CDKL3: variants seen among roughly 807,000 people sequenced by gnomAD.
The protein encoded by CDKL3 is cyclin-dependent kinase-like 3.
In CDKL3, 65 loss-of-function variants were observed where a neutral mutation model predicts 69.3. That is an observed-to-expected ratio of 0.94 (90% confidence interval 0.77 to 1.15). The LOEUF (loss-of-function observed/expected upper bound fraction) is 1.15. Among genes scored for constraint, CDKL3 ranks in the 50% most tolerant of loss-of-function variants. The pLI, the probability that CDKL3 is intolerant of heterozygous loss-of-function variation, is 0.00. For missense variants in CDKL3, 652 were observed against 689.2 expected, an observed-to-expected ratio of 0.95 and a Z score of 0.61; for synonymous variants, 202 against 221.6, an observed-to-expected ratio of 0.91 and a Z score of 0.79.
At chr5:134,337,839 C>G (rs890976742) in intron 4 of CDKL3, among the ~76,000 whole-genome samples, 3 of 152,154 alleles carry the variant, frequency 2.0e-5, no homozygotes, top group African/African-American at 4.8e-5. Context: ...GATAGAGGCT[C>G]TTTTCCAACT....
Position 134,308,127 on chromosome 5 carries a change from T to C in CDKL3, c.1364+11A>G. On this transcript the variant is annotated intron_variant, in intron 9 of 12. Transcript: ENST00000265334. ...TTGTATTATTTAGGTTTCTTCTCTGTTACAGCTCACCTCACACTGGGGTGA... is the reference window on the plus strand; with the variant it reads ...TTGTATTATTTAGGTTTCTTCTCTGCTACAGCTCACCTCACACTGGGGTGA... 6.2e-7 allele frequency: 1 copy of C among 1,603,926 alleles called. No individual in the cohort carries two copies. The highest frequency in any genetic ancestry group is 1.1e-5 in the South Asian group (1 of 89,806).
intron 8 of CDKL3, among the ~76,000 whole-genome samples, chr5:134,288,671 G>C (rs1764985823): frequency 2.0e-5 from 3 of 152,136 alleles, no homozygotes; most frequent in Admixed American, 1.3e-4. Flanking sequence ...CTTCATCCTT[G>C]AAGAAGACAC....
chr5:134,366,272 A>T, intron 2 of CDKL3, 87 bp downstream of exon 2: 1 of 854,444 alleles, frequency 1.2e-6, no homozygotes, highest in Non-Finnish European at 1.8e-6. Context: ...ATGAATCAGT[A>T]CGTGTGAACT....
chr5:134,346,688 GT>G (rs1751971120), intron 4 of CDKL3, among the ~76,000 whole-genome samples: 1 of 152,046 alleles, frequency 6.6e-6, no homozygotes, highest in South Asian at 2.1e-4. Context: ...TAGAGACGGG[GT>G]TTCTCCATGT....
intron 7 of CDKL3, 24 bp from the exon 8 acceptor site, chr5:134,308,751 G>A (rs1230215278): frequency 1.9e-5 from 29 of 1,554,722 alleles, no homozygotes; most frequent in Non-Finnish European, 1.9e-5. Context: ...CAATATCAAC[G>A]AGTAATCTTT....
chr5:134,341,444 TA>T (rs1339903601), intron 4 of CDKL3, among the ~76,000 whole-genome samples: 2 of 152,188 alleles, frequency 1.3e-5, no homozygotes, highest in Non-Finnish European at 2.9e-5. Context: ...AAGAATCCAC[TA>T]AACTACTATG....
chr5:134,321,698 T>C, intron 5 of CDKL3, 93 bp downstream of exon 5: 2 of 721,238 alleles, frequency 2.8e-6, no homozygotes, highest in Non-Finnish European at 4.8e-6. Context: ...TTCCCTGTAC[T>C]TACACAGAAA....
intron 3 of CDKL3, among the ~76,000 whole-genome samples, chr5:134,356,609 C>A (rs1033728279): frequency 3.9e-5 from 6 of 152,064 alleles, no homozygotes; most frequent in Admixed American, 2.6e-4. Context: ...CGTGGTGAAA[C>A]CCCGACTCTA....
chr5:134,343,288 A>C (rs1052370321), intron 4 of CDKL3, among the ~76,000 whole-genome samples: 1 of 152,188 alleles, frequency 6.6e-6, no homozygotes, highest in Non-Finnish European at 1.5e-5. Flanking sequence ...TTCTAGAAAT[A>C]AGCCCTTATG....
rs192506676 is a variant in CDKL3 at position 134,346,738 on chromosome 5, C to T, written c.539+3511G>A. Among the ~76,000 whole-genome samples, 522 of 152,124 alleles carry T rather than the reference C, an allele frequency of 3.4e-3. 2 individuals are homozygous for T. Among genetic ancestry groups the T allele is most frequent in the African/African-American group, 0.012 (496 of 41,490 alleles). The stretch of plus-strand genomic sequence containing the variant: ...CTTGAACTGCTGACCTCAGGTGATC[C>T]GCCCACCTCGGCCTCCCAAAGTGCT... On this transcript the variant is annotated intron_variant, in intron 4 of 12. Coordinates refer to ENST00000265334, the MANE Select transcript of CDKL3 (RefSeq NM_001113575.2).
At chr5:134,320,676 C>A (rs942687108) in intron 5 of CDKL3, among the ~76,000 whole-genome samples, 2 of 151,844 alleles carry the variant, frequency 1.3e-5, no homozygotes, top group African/African-American at 4.8e-5. Context: ...GAAATCGAGA[C>A]CATCCTGGCT....
At chr5:134,313,901 G>A (rs1225402010) in intron 6 of CDKL3, among the ~76,000 whole-genome samples, 1 of 151,916 alleles carries the variant, frequency 6.6e-6, no homozygotes, top group African/African-American at 2.4e-5. Flanking sequence ...ACTTTGGGGG[G>A]CAACAGAGGG....
chr5:134,368,981 C>G (rs1018790958), upstream of CDKL3, among the ~76,000 whole-genome samples: 1 of 152,140 alleles, frequency 6.6e-6, no homozygotes, highest in Non-Finnish European at 1.5e-5. Flanking sequence ...GAGCCCTGTT[C>G]ACACCACTGC....
At chr5:134,354,792 C>G (rs1216152637) in intron 3 of CDKL3, among the ~76,000 whole-genome samples, 3 of 152,020 alleles carry the variant, frequency 2.0e-5, no homozygotes, top group Admixed American at 6.6e-5. Flanking sequence ...ACTAAAAATA[C>G]AAAAATTAGC....
In CDKL3 at chr5:134,325,360, A is replaced by G. The variant is rs542982500; in HGVS notation, c.540-3457T>C. Among the ~76,000 whole-genome samples, 243 of 152,368 alleles carry G rather than the reference A, an allele frequency of 1.6e-3. 1 individual carries two copies. Among genetic ancestry groups the G allele is most frequent in the Non-Finnish European group, 2.8e-3 (192 of 68,036 alleles). ...AGTATATACAGTTTTTCAGATCTAC[A>G]TTATAACCATAGATGATATAATAGT... On this transcript the variant is annotated intron_variant, in intron 4 of 12. Transcript: ENST00000265334.
chr5:134,294,962 A>G (rs1580757848), downstream of CDKL3, among the ~76,000 whole-genome samples: 1 of 152,046 alleles, frequency 6.6e-6, no homozygotes, highest in East Asian at 1.9e-4. Context: ...GAAGATCTAA[A>G]TAAAGAGTTT....
At chr5:134,325,351 C>T (rs182472276) in intron 4 of CDKL3, among the ~76,000 whole-genome samples, 3 of 151,844 alleles carry the variant, frequency 2.0e-5, no homozygotes, top group African/African-American at 7.3e-5. Flanking sequence ...TACAGTTTTT[C>T]AGATCTACAT....
At chr5:134,312,486 A>T (rs1472380291) in intron 6 of CDKL3, 106 bp from the exon 7 acceptor site, 11 of 623,424 alleles carry the variant, frequency 1.8e-5, no homozygotes, top group Non-Finnish European at 3.0e-5. Context: ...TCCAGATCAA[A>T]AAGCCTTCTT....
Position 134,334,933 on chromosome 5 carries a change from A to T in CDKL3, c.540-13030T>A, listed in dbSNP as rs147511625. Among the ~76,000 whole-genome samples the T allele has an allele frequency of 4.6e-3, 703 of 152,026 alleles. 6 individuals are homozygous for T. Among genetic ancestry groups the T allele is most frequent in the African/African-American group, 0.016 (676 of 41,458 alleles). On this transcript the variant is annotated intron_variant, in intron 4 of 12. Transcript: ENST00000265334. ...TGGGGTGTTAAATTCTCCCGTTATT[A>T]TTGTGTGGGAGTCTAAGTCTCTTTG...
Sources: gnomAD v4.1 joint callset for allele counts (sites outside exome capture counted in the v4.1 genomes callset) on GRCh38, gnomAD v4.1.1 for gene constraint, MANE v1.5 for transcripts, NCBI Gene and HGNC (gene_info 2026-07-23, HGNC 2026-07-21) for gene names.